RNF220: variants seen among roughly 807,000 people sequenced by gnomAD.
RNF220 encodes E3 ubiquitin-protein ligase RNF220.
RNF220 carries 7 observed loss-of-function variants against 67.1 expected under a neutral mutation model. The observed-to-expected ratio is 0.10, with a 90% confidence interval of 0.06 to 0.20. RNF220 has a LOEUF of 0.20. Ranked by LOEUF, RNF220 falls within the 10% of genes least tolerant of loss-of-function variation. The probability of loss-of-function intolerance (pLI) is 1.00; values close to 1 mark genes in which losing one functional copy is unlikely to be tolerated. For missense variants in RNF220, 565 were observed against 740.3 expected (o/e 0.76, Z 2.75); for synonymous variants, 270 against 283.2 (o/e 0.95, Z 0.47).
At chr1:44,593,508 T>G (rs1370257308) in intron 2 of RNF220, among the ~76,000 whole-genome samples, 2 of 152,160 alleles carry the variant, frequency 1.3e-5, no homozygotes, top group Non-Finnish European at 2.9e-5. Flanking sequence ...GAGGATCGCT[T>G]GAGCCCAAGA....
At chr1:44,496,197 A>G (rs1657333995) in intron 2 of RNF220, among the ~76,000 whole-genome samples, 1 of 152,066 alleles carries the variant, frequency 6.6e-6, no homozygotes, top group South Asian at 2.1e-4. Flanking sequence ...GGACAAATCA[A>G]TTTGAAGGGG....
At chr1:44,405,631 C>T in intron 1 of RNF220, 101 bp downstream of exon 1, 1 of 270,386 alleles carries the variant, frequency 3.7e-6, no homozygotes, top group Middle Eastern at 1.2e-3. Flanking sequence ...TTTCCGGGTC[C>T]GTTTCCTAGG....
At chr1:44,607,315 TA>T (rs1010339355) in intron 2 of RNF220, among the ~76,000 whole-genome samples, 4 of 151,976 alleles carry the variant, frequency 2.6e-5, no homozygotes, top group Non-Finnish European at 5.9e-5. Context: ...ATTGTATGTT[TA>T]AAAAAAATAA....
intron 3 of RNF220, among the ~76,000 whole-genome samples, chr1:44,618,105 G>A (rs780537471): frequency 6.6e-5 from 10 of 152,144 alleles, no homozygotes; most frequent in Non-Finnish European, 1.2e-4. Context: ...GGGCTCTTCA[G>A]ACTGGCCTGG....
In RNF220 at chr1:44,412,798, G is replaced by A. The variant is rs1190139239; in HGVS notation, c.625+76G>A. 1.6e-5 allele frequency: 24 copies of A among 1,511,364 alleles called. No homozygotes were observed. The highest frequency in any genetic ancestry group is 3.7e-4 in the Middle Eastern group (2 of 5,412). 93.6% of individuals were successfully genotyped at this position (1,511,364 alleles called of 1,614,324 possible). On this transcript the variant is annotated intron_variant, in intron 2 of 14. Coordinates refer to ENST00000361799, the MANE Select transcript of RNF220 (RefSeq NM_018150.4). This position sits in a 1 kb window ranked among gnomAD's most constrained non-coding sequence, Gnocchi z 5.3. The stretch of plus-strand genomic sequence containing the variant: ...CCGTGATGTTCAACAGGTCGGTGGC[G>A]TTTTGCATGCTCCTAGTAATAGGAA...
intron 2 of RNF220, among the ~76,000 whole-genome samples, chr1:44,596,548 A>G (rs1666503857): frequency 6.6e-6 from 1 of 151,670 alleles, no homozygotes; most frequent in Non-Finnish European, 1.5e-5. Context: ...GACAAGAGCA[A>G]GATTCTGTCT....
At chr1:44,595,045 C>G (rs1215695614) in intron 2 of RNF220, among the ~76,000 whole-genome samples, 8 of 152,200 alleles carry the variant, frequency 5.3e-5, no homozygotes, top group African/African-American at 1.9e-4. Context: ...ACTCAAAGAG[C>G]ATCCACAGAC....
chr1:44,539,395 C>T (rs1661502943), intron 2 of RNF220, among the ~76,000 whole-genome samples: 1 of 152,066 alleles, frequency 6.6e-6, no homozygotes, highest in Admixed American at 6.6e-5. Context: ...TTCTGTCTTC[C>T]CTCCTTTTAT....
At chr1:44,576,727 G>A (rs570606484) in intron 2 of RNF220, among the ~76,000 whole-genome samples, 3 of 152,312 alleles carry the variant, frequency 2.0e-5, no homozygotes, top group African/African-American at 4.8e-5. Flanking sequence ...AAAAAGGGGG[G>A]AAAAAAGCTG....
At chr1:44,549,255 T>C (rs550438248) in intron 2 of RNF220, among the ~76,000 whole-genome samples, 1 of 152,272 alleles carries the variant, frequency 6.6e-6, no homozygotes, top group East Asian at 1.9e-4. Flanking sequence ...TACAAGGCCA[T>C]CTTTCCCAAC....
chr1:44,529,813 G>T (rs1372168181), intron 2 of RNF220, among the ~76,000 whole-genome samples: 1 of 152,164 alleles, frequency 6.6e-6, no homozygotes, highest in Non-Finnish European at 1.5e-5. Context: ...CATTTTGGGA[G>T]GCCAAGGTGG....
intron 2 of RNF220, among the ~76,000 whole-genome samples, chr1:44,539,059 A>G (rs1364875263): frequency 2.6e-5 from 4 of 151,972 alleles, no homozygotes; most frequent in African/African-American, 9.7e-5. Context: ...CGTCTCTACT[A>G]AAAATACAAA....
At chr1:44,542,615 G>A (rs1661764572) in intron 2 of RNF220, among the ~76,000 whole-genome samples, 1 of 152,172 alleles carries the variant, frequency 6.6e-6, no homozygotes, top group African/African-American at 2.4e-5. Flanking sequence ...GACAACAAGG[G>A]GCTGGGAGCC....
At chr1:44,552,845 A>C (rs1662771732) in intron 2 of RNF220, among the ~76,000 whole-genome samples, 1 of 152,118 alleles carries the variant, frequency 6.6e-6, no homozygotes, top group African/African-American at 2.4e-5. Flanking sequence ...CTGGGATTAC[A>C]GGCGTGAGCC....
intron 2 of RNF220, among the ~76,000 whole-genome samples, chr1:44,576,107 G>C (rs1664785995): frequency 6.6e-6 from 1 of 152,214 alleles, no homozygotes; most frequent in South Asian, 2.1e-4. Context: ...TTCCACTTGG[G>C]TGAACTACCA....
At chr1:44,601,985 C>G (rs1169248645) in intron 2 of RNF220, among the ~76,000 whole-genome samples, 1 of 151,924 alleles carries the variant, frequency 6.6e-6, no homozygotes, top group Non-Finnish European at 1.5e-5. Context: ...CACAAGGGAC[C>G]CAGGCTAGCA....
In RNF220 at chr1:44,645,819, T is replaced by C. The variant is rs1644628211; in HGVS notation, c.1445+331T>C. 6.6e-6 allele frequency among the ~76,000 whole-genome samples: 1 copy of C among 152,224 alleles called. No homozygotes were observed. Reference sequence around the variant, plus strand: ...GCCGGCACACTTGATTCATCTCCAGTTTCTGTTTCTTAATCGGGAGCTAAA... The same window carrying C: ...GCCGGCACACTTGATTCATCTCCAGCTTCTGTTTCTTAATCGGGAGCTAAA... On this transcript the variant is annotated intron_variant, in intron 12 of 14. Transcript: ENST00000361799. This position sits in a 1 kb window ranked among gnomAD's most constrained non-coding sequence, Gnocchi z 5.0.
intron 2 of RNF220, among the ~76,000 whole-genome samples, chr1:44,420,705 T>G (rs1264718580): frequency 6.6e-6 from 1 of 152,206 alleles, no homozygotes; most frequent in East Asian, 1.9e-4. Context: ...CTTACTTGCT[T>G]TCTGATACTG....
At chr1:44,544,721 A>C (rs560022463) in intron 2 of RNF220, among the ~76,000 whole-genome samples, 1 of 152,346 alleles carries the variant, frequency 6.6e-6, no homozygotes, top group East Asian at 1.9e-4. Context: ...GCCTTCCAAG[A>C]CATGTTTGTT....
Sources: gnomAD v4.1 joint callset for allele counts (sites outside exome capture counted in the v4.1 genomes callset) on GRCh38, gnomAD v4.1.1 for gene constraint, Gnocchi (gnomAD v3.1) non-coding constraint, MANE v1.5 for transcripts, NCBI Gene and HGNC (gene_info 2026-07-23, HGNC 2026-07-21) for gene names.